The following HDX variants were observed in gnomAD, a reference collection of about 807,000 sequenced individuals.
HDX encodes the protein highly divergent homeobox.
A neutral mutation model predicts 45.2 loss-of-function variants in HDX; 19 were observed. That is an observed-to-expected ratio of 0.42 (90% CI 0.29 to 0.62). HDX has a LOEUF of 0.62. Ranked by LOEUF, HDX falls within the 20% of genes least tolerant of loss-of-function variation. The probability of loss-of-function intolerance (pLI) is 0.20; values close to 1 mark genes in which losing one functional copy is unlikely to be tolerated. For missense variants in HDX, 532 were observed against 493.9 expected (o/e 1.08, Z -0.73); for synonymous variants, 188 against 172.8 (o/e 1.09, Z -0.69).
At chrX:84,475,179 T>G (rs2040522725) in intron 3 of HDX, 72 bp downstream of exon 3, 1 of 910,617 alleles carries the variant, frequency 1.1e-6, no homozygotes, top group African/African-American at 2.0e-5. Flanking sequence ...CCCTGAATAT[T>G]TTTTCTCATA....
At chrX:84,368,250 T>C (rs1389205713) in intron 5 of HDX, among the ~76,000 whole-genome samples, 1 of 111,838 alleles carries the variant, frequency 8.9e-6, no homozygotes, top group African/African-American at 3.2e-5. Flanking sequence ...GTTTTCTTTC[T>C]TCTTTATTTT....
intron 8 of HDX, 91 bp from the exon 9 acceptor site, chrX:84,333,933 T>C: frequency 4.9e-6 from 2 of 407,487 alleles, no homozygotes; most frequent in Non-Finnish European, 8.8e-6. Context: ...AATGTTTAGG[T>C]TATCTAGTCT....
At chrX:84,379,613 C>A (rs1171287275) in intron 5 of HDX, among the ~76,000 whole-genome samples, 1 of 111,154 alleles carries the variant, frequency 9.0e-6, no homozygotes, top group Non-Finnish European at 1.9e-5. Flanking sequence ...AGAAAATAAA[C>A]AATATGCTTC....
intron 5 of HDX, among the ~76,000 whole-genome samples, chrX:84,429,378 G>T (rs1301429773): frequency 2.7e-5 from 3 of 109,876 alleles, no homozygotes; most frequent in Non-Finnish European, 5.8e-5. Flanking sequence ...TAGTTTTCAG[G>T]GCAGAGGTTT....
At chrX:84,392,627 T>A (rs902347211) in intron 5 of HDX, among the ~76,000 whole-genome samples, 2 of 110,956 alleles carry the variant, frequency 1.8e-5, no homozygotes, top group Non-Finnish European at 3.8e-5. Flanking sequence ...TAGAGCTTTT[T>A]CACCTCCTTG....
At chrX:84,327,676 T>A in intron 9 of HDX, among the ~76,000 whole-genome samples, 1 of 111,524 alleles carries the variant, frequency 9.0e-6, no homozygotes, top group Admixed American at 9.6e-5. Flanking sequence ...AAATGCATAA[T>A]AAAACTGAAA....
chrX:84,453,347 T>C (rs1308557589), intron 4 of HDX, among the ~76,000 whole-genome samples: 1 of 111,578 alleles, frequency 9.0e-6, no homozygotes, highest in East Asian at 2.8e-4. Context: ...CTTTAATAGC[T>C]GACACCATAC....
intron 5 of HDX, among the ~76,000 whole-genome samples, chrX:84,389,332 C>G (rs1285820110): frequency 8.9e-6 from 1 of 111,956 alleles, no homozygotes; most frequent in Non-Finnish European, 1.9e-5. Context: ...CAGGCAGACA[C>G]AGTGGCCACA....
At chrX:84,462,505 G>A (rs1216852994) in intron 4 of HDX, among the ~76,000 whole-genome samples, 1 of 111,213 alleles carries the variant, frequency 9.0e-6, no homozygotes, top group African/African-American at 3.3e-5. Flanking sequence ...GGAAAGAGAT[G>A]ATTACCAGAG....
At chrX:84,422,917 C>T (rs1284402539) in intron 5 of HDX, among the ~76,000 whole-genome samples, 3 of 109,869 alleles carry the variant, frequency 2.7e-5, no homozygotes, top group Non-Finnish European at 5.7e-5. Context: ...ATCCGCCCGC[C>T]TCGGCCTCCC....
chrX:84,326,161 T>C lies in HDX; in HGVS notation c.1947+17A>G. 1 of 1,205,558 alleles carries C rather than the reference T, an allele frequency of 8.3e-7. No individual in the cohort carries two copies. Among genetic ancestry groups the C allele is most frequent in the Non-Finnish European group, 1.1e-6 (1 of 890,654 alleles). On this transcript the variant is annotated intron_variant, in intron 10 of 10. Transcript: ENST00000373177. ...GACTTGATACATTGCAGCTTACTAG[T>C]CTTTCCTGGGACCTACCTGCTGTTG...
chrX:84,489,589 T>C (rs1456304179), intron 1 of HDX, among the ~76,000 whole-genome samples: 1 of 111,327 alleles, frequency 9.0e-6, no homozygotes, highest in East Asian at 2.8e-4. Context: ...CCTCTGCTGA[T>C]TTTACAAAGA....
intron 5 of HDX, among the ~76,000 whole-genome samples, chrX:84,415,595 G>A (rs2039084836): frequency 8.9e-6 from 1 of 111,979 alleles, no homozygotes; most frequent in African/African-American, 3.2e-5. Flanking sequence ...TGGCCATAGA[G>A]ACAATAGCTG....
intron 5 of HDX, among the ~76,000 whole-genome samples, chrX:84,428,507 A>G (rs1431059068): frequency 1.8e-5 from 2 of 111,034 alleles, no homozygotes; most frequent in African/African-American, 6.5e-5. Context: ...CATTTTACAT[A>G]AATAGAATCA....
intron 5 of HDX, among the ~76,000 whole-genome samples, chrX:84,396,446 T>A (rs751396464): frequency 2.0e-4 from 22 of 112,367 alleles, no homozygotes; most frequent in African/African-American, 6.8e-4. Flanking sequence ...AGTCTGCCTA[T>A]CCTTGGGCCC....
intron 1 of HDX, among the ~76,000 whole-genome samples, chrX:84,493,727 A>C (rs1316220383): frequency 8.9e-6 from 1 of 112,043 alleles, no homozygotes; most frequent in Non-Finnish European, 1.9e-5. Flanking sequence ...AATAATATAC[A>C]CCTAAAACTA....
intron 5 of HDX, among the ~76,000 whole-genome samples, chrX:84,434,602 T>C: frequency 9.0e-6 from 1 of 111,474 alleles, no homozygotes. Context: ...TGTATCTATG[T>C]TCTTCAGTGA....
intron 5 of HDX, among the ~76,000 whole-genome samples, chrX:84,365,873 T>C (rs1459004973): frequency 8.9e-6 from 1 of 111,761 alleles, no homozygotes; most frequent in African/African-American, 3.3e-5. Flanking sequence ...TCACAGTCAA[T>C]ATCATAGTGA....
chrX:84,349,833 G>GAT (rs1410942914), intron 6 of HDX, among the ~76,000 whole-genome samples: 1 of 109,126 alleles, frequency 9.2e-6, no homozygotes, highest in African/African-American at 3.3e-5. Context: ...AATAACACAT[G>GAT]ATATCACTTG....
Sources: gnomAD v4.1 joint callset for allele counts (sites outside exome capture counted in the v4.1 genomes callset) on GRCh38, gnomAD v4.1.1 for gene constraint, MANE v1.5 for transcripts, NCBI Gene and HGNC (gene_info 2026-07-23, HGNC 2026-07-21) for gene names.